Variants in RANBP17 observed in about 807,000 individuals in gnomAD.
RANBP17 encodes the protein RAN binding protein 17, also known as ran-binding protein 17.
A neutral mutation model predicts 141.2 loss-of-function variants in RANBP17; 158 were observed. That is an observed-to-expected ratio of 1.12 (90% CI 0.98 to 1.28). RANBP17 has a LOEUF of 1.28. Among genes scored for constraint, RANBP17 ranks in the 50% most tolerant of loss-of-function variants. The pLI is 0.00. For missense variants in RANBP17, 1,438 were observed against 1,290.7 expected, an observed-to-expected ratio of 1.11 and a Z score of -1.75; for synonymous variants, 430 against 450.0, an observed-to-expected ratio of 0.96 and a Z score of 0.56.
At chr5:170,916,623 A>G (rs979140410) in intron 9 of RANBP17, 39 bp downstream of exon 9, 2 of 1,349,244 alleles carry the variant, frequency 1.5e-6, no homozygotes, top group East Asian at 2.4e-5. Context: ...ATATAGAGAT[A>G]CAGTTTTTCA....
chr5:171,138,176 A>G (rs1460611509), intron 14 of RANBP17, among the ~76,000 whole-genome samples: 1 of 152,184 alleles, frequency 6.6e-6, no homozygotes, highest in African/African-American at 2.4e-5. Flanking sequence ...GAGCCTAGAA[A>G]GCTGGAAAGA....
At chr5:171,161,596 T>C (rs1759357364) in intron 14 of RANBP17, 1 of 176,058 alleles carries the variant, frequency 5.7e-6, no homozygotes. Flanking sequence ...TTGTCTTCAT[T>C]CCCTTTTTAT....
At chr5:171,221,319 T>C (rs1197054685) in intron 21 of RANBP17, among the ~76,000 whole-genome samples, 1 of 152,250 alleles carries the variant, frequency 6.6e-6, no homozygotes, top group Non-Finnish European at 1.5e-5. Context: ...CCAGATTTCC[T>C]ACTCATCACT....
chr5:171,020,717 A>C (rs1045658161), intron 14 of RANBP17, among the ~76,000 whole-genome samples: 1 of 148,870 alleles, frequency 6.7e-6, no homozygotes, highest in Non-Finnish European at 1.5e-5. Flanking sequence ...GTGGGTCTTG[A>C]CTCTATCCAG....
chr5:171,089,197 G>C (rs1321821077), intron 14 of RANBP17, among the ~76,000 whole-genome samples: 2 of 142,026 alleles, frequency 1.4e-5, no homozygotes, highest in African/African-American at 5.0e-5. Context: ...CTCAGCTGCA[G>C]GTCTGTTGGA....
chr5:171,191,439 A>G (rs899258898), intron 18 of RANBP17, among the ~76,000 whole-genome samples: 7 of 152,180 alleles, frequency 4.6e-5, no homozygotes, highest in Non-Finnish European at 7.3e-5. Flanking sequence ...CTGTAATCCC[A>G]GGACTTTGGG....
chr5:170,907,020 C>A (rs1051704520), intron 5 of RANBP17, among the ~76,000 whole-genome samples: 5 of 151,830 alleles, frequency 3.3e-5, no homozygotes, highest in Admixed American at 2.0e-4. Flanking sequence ...CATTTCTGAA[C>A]CAGGAAGTAG....
chr5:170,978,983 A>G (rs1025961551), intron 14 of RANBP17, among the ~76,000 whole-genome samples: 2 of 152,210 alleles, frequency 1.3e-5, no homozygotes, highest in Non-Finnish European at 2.9e-5. Flanking sequence ...AACAGTGAAA[A>G]TGAATGATCT....
At chr5:171,025,972 G>A (rs886451046) in intron 14 of RANBP17, among the ~76,000 whole-genome samples, 2 of 152,074 alleles carry the variant, frequency 1.3e-5, no homozygotes, top group Non-Finnish European at 2.9e-5. Context: ...TCACAAAACT[G>A]TAAACTCCAT....
intron 14 of RANBP17, among the ~76,000 whole-genome samples, chr5:171,115,607 C>T (rs994088798): frequency 6.6e-6 from 1 of 152,132 alleles, no homozygotes; most frequent in East Asian, 1.9e-4. Flanking sequence ...ATGAACTGAT[C>T]GCAGTTTAAA....
chr5:171,283,795 T>C (rs1767997752), intron 25 of RANBP17, among the ~76,000 whole-genome samples: 1 of 152,070 alleles, frequency 6.6e-6, no homozygotes, highest in African/African-American at 2.4e-5. Flanking sequence ...ACTGAGGCCA[T>C]TCAAAAGAAA....
intron 14 of RANBP17, among the ~76,000 whole-genome samples, chr5:171,006,998 C>T (rs7724387): frequency 0.61 from 93,077 of 152,002 alleles, 29,851 homozygotes; most frequent in South Asian, 0.88. Flanking sequence ...GGGATCTTCT[C>T]GGGGAACTGC....
chr5:171,239,789 AT>A (rs1463740577), intron 22 of RANBP17, among the ~76,000 whole-genome samples: 1 of 152,150 alleles, frequency 6.6e-6, no homozygotes, highest in Non-Finnish European at 1.5e-5. Context: ...GCTTGGAGAT[AT>A]TGGTCAGCAG....
At chr5:170,971,830 C>A (rs1308411412) in intron 14 of RANBP17, among the ~76,000 whole-genome samples, 1 of 152,088 alleles carries the variant, frequency 6.6e-6, no homozygotes, top group Non-Finnish European at 1.5e-5. Flanking sequence ...TCTTTGTTTC[C>A]ATTTTGCTTC....
intron 14 of RANBP17, among the ~76,000 whole-genome samples, chr5:171,060,544 G>GT (rs1317427209): frequency 6.6e-6 from 1 of 151,824 alleles, no homozygotes; most frequent in Non-Finnish European, 1.5e-5. Context: ...GCTTTTTGAT[G>GT]TGGTGCTGGA....
intron 14 of RANBP17, among the ~76,000 whole-genome samples, chr5:171,151,402 A>G (rs1208498963): frequency 6.6e-6 from 1 of 152,204 alleles, no homozygotes; most frequent in Non-Finnish European, 1.5e-5. Flanking sequence ...AAATATTTAA[A>G]TTCAAGAGTC....
At chr5:171,224,712 A>T (rs1411897015) in intron 22 of RANBP17, among the ~76,000 whole-genome samples, 1 of 152,206 alleles carries the variant, frequency 6.6e-6, no homozygotes, top group Non-Finnish European at 1.5e-5. Context: ...CGTCCAGAGC[A>T]TTCTTGCAAA....
chr5:171,020,774 T>G (rs951591667), intron 14 of RANBP17, among the ~76,000 whole-genome samples: 4 of 152,180 alleles, frequency 2.6e-5, no homozygotes, highest in African/African-American at 4.8e-5. Flanking sequence ...CCATTTACAT[T>G]TAAGGTTAAT....
At chr5:171,270,067 T>G (rs893603989) in intron 25 of RANBP17, among the ~76,000 whole-genome samples, 9 of 152,204 alleles carry the variant, frequency 5.9e-5, no homozygotes, top group Admixed American at 5.2e-4. Context: ...CAAGCTTCCG[T>G]AGTAAAGGAA....
Sources: allele counts gnomAD v4.1 joint callset (sites outside exome capture counted in the v4.1 genomes callset), GRCh38; gene constraint gnomAD v4.1.1; transcripts MANE v1.5; gene names NCBI Gene and HGNC (gene_info 2026-07-23, HGNC 2026-07-21).